Variants in ACOXL observed in about 807,000 individuals in gnomAD.
The protein encoded by ACOXL is acyl-coenzyme A oxidase-like protein.
A neutral mutation model predicts 71.9 loss-of-function variants in ACOXL; 70 were observed. That is an observed-to-expected ratio of 0.97 (90% CI 0.80 to 1.19). The LOEUF (loss-of-function observed/expected upper bound fraction) is 1.19. Among genes scored for constraint, ACOXL ranks in the 50% most tolerant of loss-of-function variants. ACOXL has a pLI of 0.00. For missense variants in ACOXL, 703 were observed against 736.3 expected (o/e 0.95, Z 0.52); for synonymous variants, 253 against 281.6 (o/e 0.90, Z 1.02).
rs570469112 is a variant in ACOXL at position 110,737,950 on chromosome 2, C to G, written c.-23+5176C>G. 2.4e-4 allele frequency among the ~76,000 whole-genome samples: 36 copies of G among 152,330 alleles called. 1 individual carries two copies. In the South Asian group the frequency reaches 7.5e-3, roughly 32 times the overall value. ...TTGAGAGGTGTGGTTTGTGTCGCCT[C>G]CCCTTGATCTTGGGTAGTTTTATGA... On this transcript the variant is annotated intron_variant, in intron 1 of 17. Transcript: ENST00000439055.
chr2:110,922,419 G>C (rs1356538876), intron 11 of ACOXL, among the ~76,000 whole-genome samples: 1 of 152,032 alleles, frequency 6.6e-6, no homozygotes, highest in Non-Finnish European at 1.5e-5. Flanking sequence ...GTTTTCCCCA[G>C]TGTGACTTGT....
chr2:111,018,711 A>G (rs11354102), intron 14 of ACOXL, among the ~76,000 whole-genome samples: 110,909 of 141,592 alleles, frequency 0.78, 41,169 homozygotes, highest in Middle Eastern at 0.87. Context: ...GAGAGGCTGG[A>G]GGGGGTGTTG....
At chr2:110,879,222 G>A (rs180894031) in intron 10 of ACOXL, among the ~76,000 whole-genome samples, 2 of 152,256 alleles carry the variant, frequency 1.3e-5, no homozygotes, top group East Asian at 3.9e-4. Context: ...ATGAATTTAA[G>A]AAGCCCACAT....
intron 10 of ACOXL, among the ~76,000 whole-genome samples, chr2:110,847,520 C>T (rs897640666): frequency 3.3e-5 from 5 of 152,298 alleles, no homozygotes; most frequent in Admixed American, 6.5e-5. Context: ...CTTTAATAAA[C>T]GAAGAAGGAA....
intron 16 of ACOXL, among the ~76,000 whole-genome samples, chr2:111,050,805 C>T (rs775245221): frequency 2.0e-5 from 3 of 152,126 alleles, no homozygotes; most frequent in Non-Finnish European, 4.4e-5. Context: ...CTTGGGATGC[C>T]GCAGCCCCCT....
At chr2:110,849,338 C>G (rs1692310477) in intron 10 of ACOXL, among the ~76,000 whole-genome samples, 1 of 152,192 alleles carries the variant, frequency 6.6e-6, no homozygotes, top group African/African-American at 2.4e-5. Flanking sequence ...AATGACCCCT[C>G]CCTTACTTTC....
At chr2:110,960,697 GTT>G (rs70958751) in intron 12 of ACOXL, among the ~76,000 whole-genome samples, 34,786 of 142,882 alleles carry the variant, frequency 0.24, 4,625 homozygotes, top group Middle Eastern at 0.31. Context: ...AATTTTCTGG[GTT>G]TTTTTTTTTA....
intron 17 of ACOXL, chr2:111,098,306 G>A (rs80105070): frequency 1.3e-5 from 2 of 152,060 alleles, no homozygotes; most frequent in African/African-American, 4.8e-5. Flanking sequence ...GACAGCTGAC[G>A]AGCTAAAAAA....
chr2:110,782,189 G>A (rs1683421601), intron 2 of ACOXL, among the ~76,000 whole-genome samples: 1 of 152,180 alleles, frequency 6.6e-6, no homozygotes, highest in Admixed American at 6.5e-5. Flanking sequence ...TATTGATACA[G>A]TAGAATTGCT....
chr2:110,928,993 C>A (rs1207935639), intron 11 of ACOXL, among the ~76,000 whole-genome samples: 1 of 152,194 alleles, frequency 6.6e-6, no homozygotes, highest in Admixed American at 6.5e-5. Context: ...TATAAATTAC[C>A]TAGCCTTGGG....
At chr2:110,823,816 G>A (rs1445108331) in intron 9 of ACOXL, among the ~76,000 whole-genome samples, 1 of 152,158 alleles carries the variant, frequency 6.6e-6, no homozygotes, top group East Asian at 1.9e-4. Flanking sequence ...TTTCAGTTGA[G>A]TTGCTTGTTT....
chr2:110,858,470 T>A (rs768247607), intron 10 of ACOXL, among the ~76,000 whole-genome samples: 3 of 152,198 alleles, frequency 2.0e-5, no homozygotes, highest in Non-Finnish European at 1.5e-5. Context: ...TGTTTCTGCA[T>A]GTTAATAGAT....
At chr2:111,074,604 T>C (rs569958803) in intron 16 of ACOXL, among the ~76,000 whole-genome samples, 1 of 152,026 alleles carries the variant, frequency 6.6e-6, no homozygotes, top group African/African-American at 2.4e-5. Flanking sequence ...GTCTTTTGAT[T>C]TTTTTTTGGA....
At chr2:110,900,230 G>A (rs1276420697) in intron 10 of ACOXL, among the ~76,000 whole-genome samples, 1 of 151,914 alleles carries the variant, frequency 6.6e-6, no homozygotes, top group Non-Finnish European at 1.5e-5. Context: ...TAACCCTGAA[G>A]CTCTTTTTAC....
intron 17 of ACOXL, chr2:111,098,828 T>C (rs1191049754): frequency 3.9e-5 from 6 of 152,110 alleles, no homozygotes; most frequent in Non-Finnish European, 7.4e-5. Context: ...TCTAAATAAA[T>C]AAAACTTTCC....
At chr2:110,998,286 A>G (rs1328813817) in intron 14 of ACOXL, among the ~76,000 whole-genome samples, 1 of 152,232 alleles carries the variant, frequency 6.6e-6, no homozygotes, top group African/African-American at 2.4e-5. Flanking sequence ...ATTAAATTGA[A>G]AGCTAACATA....
At chr2:110,893,725 A>G (rs1160953476) in intron 10 of ACOXL, among the ~76,000 whole-genome samples, 1 of 152,204 alleles carries the variant, frequency 6.6e-6, no homozygotes, top group African/African-American at 2.4e-5. Context: ...TCTTCATGAT[A>G]TAGCCCTAAT....
At chr2:111,048,801 G>A (rs557643324) in intron 15 of ACOXL, among the ~76,000 whole-genome samples, 4 of 152,252 alleles carry the variant, frequency 2.6e-5, no homozygotes, top group Admixed American at 6.5e-5. Context: ...AAGAGTTAAA[G>A]CCATGGAAAT....
chr2:110,841,642 A>G (rs1393393973), intron 10 of ACOXL, among the ~76,000 whole-genome samples: 6 of 152,180 alleles, frequency 3.9e-5, no homozygotes, highest in Non-Finnish European at 8.8e-5. Context: ...CAAACAAAAA[A>G]AGGGATATTC....
Sources: gnomAD v4.1 joint callset for allele counts (sites outside exome capture counted in the v4.1 genomes callset) on GRCh38, gnomAD v4.1.1 for gene constraint, MANE v1.5 for transcripts, NCBI Gene and HGNC (gene_info 2026-07-23, HGNC 2026-07-21) for gene names.